CLPTM1: variants seen among roughly 807,000 people sequenced by gnomAD.
The protein encoded by CLPTM1 is putative lipid scramblase CLPTM1.
Under a neutral mutation model 77.3 loss-of-function variants are expected in CLPTM1, and 21 were observed. That is an observed-to-expected ratio of 0.27 (90% CI 0.19 to 0.39). CLPTM1 has a LOEUF of 0.39. Ranked by LOEUF, CLPTM1 falls within the 10% of genes least tolerant of loss-of-function variation. CLPTM1 has a pLI of 1.00. For missense variants in CLPTM1, 642 were observed against 921.2 expected (o/e 0.70, Z 3.92); for synonymous variants, 373 against 381.0 (o/e 0.98, Z 0.24).
At chr19:44,961,588 G>A (rs1407689598) in intron 1 of CLPTM1, among the ~76,000 whole-genome samples, 1 of 152,074 alleles carries the variant, frequency 6.6e-6, no homozygotes, top group East Asian at 1.9e-4. Context: ...CAGCTTCAAT[G>A]CCCCCTTCTC....
At chr19:44,970,894 G>A (rs1297525334) in intron 2 of CLPTM1, among the ~76,000 whole-genome samples, 1 of 142,128 alleles carries the variant, frequency 7.0e-6, no homozygotes, top group Non-Finnish European at 1.5e-5. Context: ...GCCATGGCAC[G>A]ATCTCGGTTC....
At chr19:44,965,459 CT>C (rs1970612329) in intron 2 of CLPTM1, among the ~76,000 whole-genome samples, 4 of 151,604 alleles carry the variant, frequency 2.6e-5, no homozygotes, top group African/African-American at 9.7e-5. Flanking sequence ...GATCGTGCCA[CT>C]GCACTCAAGC....
chr19:44,966,790 C>A (rs1970636540), intron 2 of CLPTM1, among the ~76,000 whole-genome samples: 1 of 150,794 alleles, frequency 6.6e-6, no homozygotes, highest in Admixed American at 6.6e-5. Flanking sequence ...TGTTGTTCAA[C>A]GTGGAAAAAA....
rs775993718 is a variant in CLPTM1 at position 44,955,446 on chromosome 19, C to T, written c.51C>T (p.Ala17=). The change falls in exon 1 of 14, where the codon GCC becomes GCT. Residue 17 remains alanine (A), a synonymous_variant. Coordinates refer to ENST00000337392, the MANE Select transcript of CLPTM1 (RefSeq NM_001294.4). The part of the protein sequence containing the change: ...ADGARSAVVA[A]GGGSSGQVTS... Reference sequence around the variant, plus strand: ...GGGCCCGCAGCGCCGTGGTGGCGGCCGGGGGAGGCAGCTCCGGTCAGGTAC... The same window carrying T: ...GGGCCCGCAGCGCCGTGGTGGCGGCTGGGGGAGGCAGCTCCGGTCAGGTAC... 1.9e-5 allele frequency: 24 copies of T among 1,287,094 alleles called. 1 individual carries two copies. The highest frequency in any genetic ancestry group is 5.1e-5 in the South Asian group (2 of 38,914). The allele number at this position is 1,287,094 out of a possible 1,614,324, so 79.7% of individuals were successfully genotyped here.
intron 2 of CLPTM1, among the ~76,000 whole-genome samples, chr19:44,971,335 AAAATATAT>A (rs2122271546): frequency 7.8e-6 from 1 of 128,298 alleles, no homozygotes; most frequent in African/African-American, 3.6e-5. Flanking sequence ...TTACAAATAT[AAAATATAT>A]TGATATTTTC....
rs183067794 is a variant in CLPTM1, at chr19:44,963,679, G to A, written c.185+1604G>A. ...CTGTTTCCCAGGCTGGAGTACAGTG[G>A]CGCGATCTCAGCTCACTGCAACCTC... On this transcript the variant is annotated intron_variant, in intron 2 of 13. Coordinates refer to ENST00000337392, the MANE Select transcript of CLPTM1 (RefSeq NM_001294.4). Among the ~76,000 whole-genome samples, 532 of 151,730 alleles carry A rather than the reference G, an allele frequency of 3.5e-3. 4 individuals carry two copies. Among genetic ancestry groups the A allele is most frequent in the African/African-American group, 0.012 (504 of 41,322 alleles).
At chr19:44,959,099 A>C (rs1600006161) in intron 1 of CLPTM1, among the ~76,000 whole-genome samples, 1 of 152,246 alleles carries the variant, frequency 6.6e-6, no homozygotes, top group South Asian at 2.1e-4. Flanking sequence ...GTCTGCAGAC[A>C]TGACACAGTT....
In CLPTM1 at chr19:44,990,211, C is replaced by G. The variant is rs1189245402; in HGVS notation, c.1133-184C>G. On this transcript the variant is annotated intron_variant, in intron 9 of 13. Transcript: ENST00000337392. This position sits in a 1 kb window ranked among gnomAD's most constrained non-coding sequence, Gnocchi z 4.8. ...CTCCAGGGGTGCCGCCTGTCTGGTG[C>G]TCTGGGGGTCACCCAATGAATATGA... 4.8e-6 allele frequency: 3 copies of G among 620,160 alleles called. No homozygotes were observed. Among genetic ancestry groups the G allele is most frequent in the African/African-American group, 3.7e-5 (2 of 54,210 alleles). The allele number at this position is 620,160 out of a possible 1,614,324, so 38.4% of individuals were successfully genotyped here.
chr19:44,987,702 C>G, intron 8 of CLPTM1: 1 of 552,828 alleles, frequency 1.8e-6, no homozygotes, highest in South Asian at 2.1e-5. Context: ...GTCCCTGGCC[C>G]TGGCTCCAAC....
At chr19:44,989,791 CAGAG>C (rs1200655288) in intron 9 of CLPTM1, among the ~76,000 whole-genome samples, 1 of 152,106 alleles carries the variant, frequency 6.6e-6, no homozygotes, top group African/African-American at 2.4e-5. Context: ...GACCAGGGCT[CAGAG>C]AGGAGCATGC....
At chr19:44,958,228 G>A (rs180869763) in intron 1 of CLPTM1, among the ~76,000 whole-genome samples, 53 of 152,260 alleles carry the variant, frequency 3.5e-4, no homozygotes, top group African/African-American at 1.2e-3. Context: ...AGGCCCTAAA[G>A]TGGGAGGTGC....
intron 2 of CLPTM1, among the ~76,000 whole-genome samples, chr19:44,963,006 CAGAG>C (rs1453526417): frequency 6.6e-6 from 1 of 150,882 alleles, no homozygotes; most frequent in Non-Finnish European, 1.5e-5. Flanking sequence ...GCCTGGGCAA[CAGAG>C]AAAGACTCCG....
chr19:44,971,772 T>C (rs1257576927), intron 2 of CLPTM1, among the ~76,000 whole-genome samples: 1 of 151,958 alleles, frequency 6.6e-6, no homozygotes, highest in Non-Finnish European at 1.5e-5. Flanking sequence ...TTGCCCAGGC[T>C]GGTCTCAAAC....
chr19:44,957,656 C>T (rs1487809830), intron 1 of CLPTM1, among the ~76,000 whole-genome samples: 2 of 152,180 alleles, frequency 1.3e-5, no homozygotes, highest in Admixed American at 6.5e-5. Flanking sequence ...GATCCGAGAG[C>T]AGGAACTGTG....
In CLPTM1 at chr19:44,974,291, T is replaced by A; in HGVS notation, c.310-148T>A. The A allele has an allele frequency of 6.0e-6, 4 of 663,236 alleles. No individual in the cohort carries two copies. The South Asian group carries it at 1.1e-4, about 19-fold the overall frequency. The allele number at this position is 663,236 out of a possible 1,614,324, so 41.1% of individuals were successfully genotyped here. On this transcript the variant is annotated intron_variant, in intron 3 of 13. Transcript: ENST00000337392. ...GTGGTATGAGAAAAGAGAAAATATG[T>A]CCTCTCTGCTGCTCTTCCTCTCTCC... is the stretch of plus-strand genomic sequence containing the variant.
In CLPTM1 at chr19:44,991,327, G is replaced by A; in HGVS notation, c.1509G>A (p.Trp503Ter). ...TTCTGTACCTGGAGCACAAGGGCTG[G>A]TACTCCTGGGTGCTCAGCATGCTCT... ...YSLLYLEHKG[W>*]YSWVLSMLYG... The change falls in exon 12 of 14, where the codon TGG (tryptophan) becomes TGA (stop). Residue 503 changes from tryptophan to a stop codon, truncating the protein, a stop_gained. Transcript: ENST00000337392. LOFTEE classifies it high-confidence loss of function. The surrounding 1 kb of genome is among the most constrained non-coding windows in gnomAD (Gnocchi z 5.4). The A allele has an allele frequency of 6.2e-7, 1 of 1,613,962 alleles. No individual in the cohort carries two copies. The highest frequency in any genetic ancestry group is 8.5e-7 in the Non-Finnish European group (1 of 1,179,974).
intron 2 of CLPTM1, among the ~76,000 whole-genome samples, chr19:44,969,603 T>TGAA (rs551181565): frequency 1.1e-4 from 16 of 152,018 alleles, no homozygotes; most frequent in Non-Finnish European, 1.6e-4. Flanking sequence ...AGACAGCTGC[T>TGAA]GAAGATTCAG....
At chr19:44,962,452 G>A (rs1054222589) in intron 2 of CLPTM1, among the ~76,000 whole-genome samples, 2 of 152,190 alleles carry the variant, frequency 1.3e-5, no homozygotes, top group Non-Finnish European at 2.9e-5. Flanking sequence ...CCAGGATCCA[G>A]CTGTGGGCAG....
intron 2 of CLPTM1, among the ~76,000 whole-genome samples, chr19:44,968,514 TCA>T: frequency 6.6e-6 from 1 of 152,352 alleles, no homozygotes; most frequent in Middle Eastern, 3.4e-3. Context: ...CTTTGCTTAC[TCA>T]AGTACATCAG....
Sources: allele counts gnomAD v4.1 joint callset (sites outside exome capture counted in the v4.1 genomes callset), GRCh38; gene constraint gnomAD v4.1.1; non-coding constraint Gnocchi (gnomAD v3.1); transcripts MANE v1.5; gene names NCBI Gene and HGNC (gene_info 2026-07-23, HGNC 2026-07-21).